Variants in CSMD2 observed in about 807,000 individuals in gnomAD.
CSMD2 encodes the protein CUB and Sushi multiple domains 2.
CSMD2 carries 130 observed loss-of-function variants against 398.5 expected under a neutral mutation model. The ratio of observed to expected loss-of-function variants is 0.33; its 90% confidence interval spans 0.28 to 0.38. The LOEUF is 0.38. Ranked by LOEUF, CSMD2 falls within the 10% of genes least tolerant of loss-of-function variation. CSMD2 has a pLI of 1.00. For synonymous variants in CSMD2, 1,828 were observed against 1,908.5 expected (o/e 0.96, Z 1.10); for missense variants, 3,829 against 4,764.9 (o/e 0.80, Z 5.78).
chr1:33,960,330 CT>C (rs946213631), intron 3 of CSMD2, among the ~76,000 whole-genome samples: 5 of 152,232 alleles, frequency 3.3e-5, no homozygotes, highest in African/African-American at 1.2e-4. Context: ...TGCTCTGCCC[CT>C]GGCATACCTC....
intron 3 of CSMD2, among the ~76,000 whole-genome samples, chr1:34,016,838 G>A (rs1332527664): frequency 1.3e-5 from 2 of 152,134 alleles, no homozygotes; most frequent in East Asian, 1.9e-4. Flanking sequence ...TTTGCTTTAC[G>A]ATAAGATTAG....
chr1:33,795,342 G>A (rs2124892216), intron 10 of CSMD2, among the ~76,000 whole-genome samples: 1 of 152,256 alleles, frequency 6.6e-6, no homozygotes, highest in South Asian at 2.1e-4. Context: ...GCATCATCAT[G>A]GGATCATTTC....
At chr1:33,714,808 A>G in intron 20 of CSMD2, 33 bp from the exon 21 acceptor site, 1 of 1,608,692 alleles carries the variant, frequency 6.2e-7, no homozygotes, top group Admixed American at 1.7e-5. Flanking sequence ...GGGCTCAGAG[A>G]CATTGCGGGG....
intron 24 of CSMD2, among the ~76,000 whole-genome samples, chr1:33,695,143 G>A (rs1328510181): frequency 6.6e-6 from 1 of 152,166 alleles, no homozygotes; most frequent in Non-Finnish European, 1.5e-5. Context: ...ACTGCAGAGA[G>A]AGACAGAAGA....
At chr1:34,092,593 C>G (rs1014251638) in intron 1 of CSMD2, among the ~76,000 whole-genome samples, 5 of 152,268 alleles carry the variant, frequency 3.3e-5, no homozygotes, top group African/African-American at 1.2e-4. Flanking sequence ...TTGCCTCACT[C>G]GGGACGTGCA....
At chr1:33,653,936 G>A (rs1277091199) in intron 27 of CSMD2, among the ~76,000 whole-genome samples, 2 of 152,186 alleles carry the variant, frequency 1.3e-5, no homozygotes, top group East Asian at 3.9e-4. Flanking sequence ...GCAGCCTTTG[G>A]CTTGTCATAG....
chr1:33,737,288 C>T (rs368675498), intron 15 of CSMD2, among the ~76,000 whole-genome samples: 31 of 152,172 alleles, frequency 2.0e-4, no homozygotes, highest in African/African-American at 7.0e-4. Context: ...GACCACACTG[C>T]GGGAAGTTTG....
chr1:34,023,639 C>T (rs1024641836), intron 3 of CSMD2, among the ~76,000 whole-genome samples: 3 of 152,064 alleles, frequency 2.0e-5, no homozygotes, highest in African/African-American at 7.2e-5. Context: ...GGGTTTTTTT[C>T]ACTCCCATAA....
chr1:34,093,948 C>T (rs1658960748), intron 1 of CSMD2, among the ~76,000 whole-genome samples: 1 of 150,474 alleles, frequency 6.6e-6, no homozygotes, highest in Non-Finnish European at 1.5e-5. Flanking sequence ...CTCCAAGACA[C>T]ATAATTGTCA....
intron 4 of CSMD2, among the ~76,000 whole-genome samples, chr1:33,933,039 CTG>C (rs1644361745): frequency 6.6e-6 from 1 of 152,224 alleles, no homozygotes; most frequent in South Asian, 2.1e-4. Flanking sequence ...GGCCAAAAGA[CTG>C]TGAAGCTCCT....
chr1:33,760,211 C>T (rs1053144088), intron 13 of CSMD2, among the ~76,000 whole-genome samples: 1 of 152,236 alleles, frequency 6.6e-6, no homozygotes, highest in African/African-American at 2.4e-5. Context: ...CCCACCAAAC[C>T]ATTCCAGGTG....
At chr1:33,720,873 G>T (rs994658766) in intron 19 of CSMD2, among the ~76,000 whole-genome samples, 1 of 151,946 alleles carries the variant, frequency 6.6e-6, no homozygotes, top group African/African-American at 2.4e-5. Context: ...AATTTTTTTT[G>T]TATTTTTAGT....
At chr1:33,586,915 T>G (rs2148748971) in intron 45 of CSMD2, among the ~76,000 whole-genome samples, 173 bp downstream of exon 45, 1 of 152,268 alleles carries the variant, frequency 6.6e-6, no homozygotes, top group African/African-American at 2.4e-5. Context: ...CCCTTTTGAT[T>G]TTATTTTGGG....
chr1:34,028,875 C>A (rs1650044962), intron 3 of CSMD2, among the ~76,000 whole-genome samples: 1 of 152,212 alleles, frequency 6.6e-6, no homozygotes, highest in African/African-American at 2.4e-5. Flanking sequence ...GGTTTGACTA[C>A]CGGCCTTTTT....
In CSMD2 at chr1:34,163,528, G is replaced by C. The variant is rs1372424522; in HGVS notation, c.187+1383C>G. ...CAGACTCACAAGACGCTGAAGGCCA[G>C]AGTGGGCCAGAGAGCTCGCCACTCA... On this transcript the variant is annotated intron_variant, in intron 1 of 70. Transcript: ENST00000373381. The surrounding 1 kb of genome is among the most constrained non-coding windows in gnomAD (Gnocchi z 5.4). Among the ~76,000 whole-genome samples the C allele has an allele frequency of 6.6e-6, 1 of 152,202 alleles. No individual in the cohort carries two copies. The highest frequency in any genetic ancestry group is 1.5e-5 in the Non-Finnish European group (1 of 68,036).
At chr1:33,517,484 C>A (rs1191071590) in intron 70 of CSMD2, among the ~76,000 whole-genome samples, 4 of 152,208 alleles carry the variant, frequency 2.6e-5, no homozygotes, top group Non-Finnish European at 4.4e-5. Context: ...ATAATTCATG[C>A]AGTGAATCAG....
intron 3 of CSMD2, among the ~76,000 whole-genome samples, chr1:34,029,103 CACA>C (rs1451784385): frequency 3.3e-5 from 5 of 152,142 alleles, no homozygotes; most frequent in Non-Finnish European, 7.3e-5. Context: ...TTGAAACGGA[CACA>C]ACAACATCAT....
At chr1:34,156,582 T>C (rs1460041593) in intron 1 of CSMD2, among the ~76,000 whole-genome samples, 2 of 152,224 alleles carry the variant, frequency 1.3e-5, no homozygotes, top group Non-Finnish European at 2.9e-5. Flanking sequence ...ACCTTGAAGA[T>C]GGACACATAA....
chr1:33,954,541 C>T (rs556154566), intron 3 of CSMD2, among the ~76,000 whole-genome samples: 6 of 152,092 alleles, frequency 3.9e-5, no homozygotes, highest in South Asian at 2.1e-4. Context: ...AACAGCCAAG[C>T]GGGAGAAGCA....
Sources: gnomAD v4.1 joint callset for allele counts (sites outside exome capture counted in the v4.1 genomes callset) on GRCh38, gnomAD v4.1.1 for gene constraint, Gnocchi (gnomAD v3.1) non-coding constraint, MANE v1.5 for transcripts, NCBI Gene and HGNC (gene_info 2026-07-23, HGNC 2026-07-21) for gene names.